Variants in ATP2B2 observed in about 807,000 individuals in gnomAD.
The protein encoded by ATP2B2 is plasma membrane calcium-transporting ATPase 2.
Under a neutral mutation model 120.0 loss-of-function variants are expected in ATP2B2, and 15 were observed. The observed-to-expected ratio is 0.12, with a 90% CI of 0.08 to 0.19. The LOEUF (loss-of-function observed/expected upper bound fraction) is 0.19. Among genes scored for constraint, ATP2B2 ranks in the 10% least tolerant of loss-of-function variants. ATP2B2 has a pLI of 1.00. For missense variants in ATP2B2, 1,045 were observed against 1,719.8 expected, an observed-to-expected ratio of 0.61 and a Z score of 6.94; for synonymous variants, 694 against 700.3, an observed-to-expected ratio of 0.99 and a Z score of 0.14.
chr3:10,625,625 G>A (rs1416655984), intron 1 of ATP2B2, among the ~76,000 whole-genome samples: 2 of 152,164 alleles, frequency 1.3e-5, no homozygotes, highest in Admixed American at 1.3e-4. Flanking sequence ...AGAGGGGCCG[G>A]GCCCAGAGTG....
intron 6 of ATP2B2, chr3:10,387,843 T>C (rs534375609): frequency 3.8e-6 from 1 of 260,752 alleles, no homozygotes; most frequent in African/African-American, 2.2e-5. Context: ...TCTGCCCATG[T>C]CTTGGATGAA....
Position 10,631,172 on chromosome 3 carries a change from G to A in ATP2B2, c.-459-11211C>T, listed in dbSNP as rs533660865. On this transcript the variant is annotated intron_variant, in intron 1 of 21. Coordinates refer to the ATP2B2 transcript ENST00000646379. Reference sequence around the variant, plus strand: ...GGGAGGGTGGTAACAAGGTTTAAACGAGTCAGTATTTGTAAAGTGTTTTGT... The same window carrying A: ...GGGAGGGTGGTAACAAGGTTTAAACAAGTCAGTATTTGTAAAGTGTTTTGT... 2.6e-5 allele frequency among the ~76,000 whole-genome samples: 4 copies of A among 152,302 alleles called. No individual in the cohort carries two copies. In the South Asian group the frequency reaches 6.2e-4, roughly 24 times the overall value.
intron 1 of ATP2B2, among the ~76,000 whole-genome samples, chr3:10,654,398 C>T (rs942883924): frequency 4.6e-5 from 7 of 152,100 alleles, no homozygotes; most frequent in Non-Finnish European, 1.0e-4. Context: ...TAGTGGCTGG[C>T]TGACTCAAGG....
chr3:10,594,639 C>T (rs2068720343), intron 2 of ATP2B2, among the ~76,000 whole-genome samples: 1 of 151,690 alleles, frequency 6.6e-6, no homozygotes, highest in Non-Finnish European at 1.5e-5. Flanking sequence ...ATGGGTGCAG[C>T]ACACCAACAT....
chr3:10,353,437 G>T (rs1364067564), intron 14 of ATP2B2, among the ~76,000 whole-genome samples: 2 of 152,220 alleles, frequency 1.3e-5, no homozygotes, highest in African/African-American at 4.8e-5. Flanking sequence ...CCTGGCCGCA[G>T]GGAACTGTCC....
intron 1 of ATP2B2, among the ~76,000 whole-genome samples, chr3:10,493,682 T>C (rs1434808518): frequency 6.6e-6 from 1 of 152,188 alleles, no homozygotes; most frequent in Admixed American, 6.5e-5. Flanking sequence ...CCTCCCTTCA[T>C]CTATTCTACA....
chr3:10,514,746 A>G (rs2066842762), intron 3 of ATP2B2, among the ~76,000 whole-genome samples: 1 of 152,202 alleles, frequency 6.6e-6, no homozygotes, highest in African/African-American at 2.4e-5. Flanking sequence ...CAAAGAGCAT[A>G]GGCTCTCCAA....
At chr3:10,493,061 T>C (rs1456641189) in intron 1 of ATP2B2, among the ~76,000 whole-genome samples, 1 of 152,158 alleles carries the variant, frequency 6.6e-6, no homozygotes, top group Non-Finnish European at 1.5e-5. Context: ...CACACAAATC[T>C]GCTGAGCACC....
intron 2 of ATP2B2, among the ~76,000 whole-genome samples, chr3:10,583,532 G>A (rs1276872344): frequency 6.6e-6 from 1 of 152,128 alleles, no homozygotes; most frequent in East Asian, 1.9e-4. Context: ...GGGATCTTAG[G>A]ATCCGTGCCC....
chr3:10,563,073 C>T (rs2067937729), intron 2 of ATP2B2, among the ~76,000 whole-genome samples: 1 of 151,770 alleles, frequency 6.6e-6, no homozygotes, highest in African/African-American at 2.4e-5. Flanking sequence ...GACACAAGTC[C>T]TTTCTGTTTT....
intron 5 of ATP2B2, 100 bp downstream of exon 5, chr3:10,400,853 G>T: frequency 6.4e-7 from 1 of 1,562,794 alleles, no homozygotes; most frequent in South Asian, 1.1e-5. Context: ...CCAGAGCCAA[G>T]GATCAAAGTC....
intron 2 of ATP2B2, among the ~76,000 whole-genome samples, chr3:10,612,030 G>C (rs1168872854): frequency 1.3e-5 from 2 of 152,128 alleles, no homozygotes; most frequent in African/African-American, 4.8e-5. Flanking sequence ...CTCTGTTCTA[G>C]AGTATGGATG....
chr3:10,574,393 C>T (rs1379921045), intron 2 of ATP2B2, among the ~76,000 whole-genome samples: 3 of 152,188 alleles, frequency 2.0e-5, no homozygotes, highest in Non-Finnish European at 4.4e-5. Context: ...GTGACTTTCC[C>T]TAGAGCAGAA....
At chr3:10,435,062 G>A (rs1436301715) in intron 2 of ATP2B2, among the ~76,000 whole-genome samples, 1 of 152,218 alleles carries the variant, frequency 6.6e-6, no homozygotes, top group Non-Finnish European at 1.5e-5. Flanking sequence ...CACAAGGTCT[G>A]GTCTCATCCA....
intron 2 of ATP2B2, among the ~76,000 whole-genome samples, chr3:10,416,512 A>G (rs1204595953): frequency 6.6e-6 from 1 of 152,258 alleles, no homozygotes; most frequent in Non-Finnish European, 1.5e-5. Context: ...ATTCCCATAT[A>G]GAAATCTTGA....
intron 1 of ATP2B2, among the ~76,000 whole-genome samples, chr3:10,477,250 G>C (rs930557096): frequency 6.6e-6 from 1 of 152,162 alleles, no homozygotes; most frequent in African/African-American, 2.4e-5. Flanking sequence ...TGTTTTCTCT[G>C]AAAAATCATT....
intron 1 of ATP2B2, among the ~76,000 whole-genome samples, chr3:10,625,502 G>T (rs187477687): frequency 3.7e-3 from 564 of 152,258 alleles, no homozygotes; most frequent in Non-Finnish European, 5.3e-3. Flanking sequence ...TTCCTACTCC[G>T]CCAGGATTTG....
intron 1 of ATP2B2, among the ~76,000 whole-genome samples, chr3:10,470,850 C>T (rs978822137): frequency 2.0e-5 from 3 of 152,154 alleles, no homozygotes; most frequent in Admixed American, 6.5e-5. Flanking sequence ...TCCCTCAGTT[C>T]CCCCACCCCC....
chr3:10,525,653 A>G (rs1457062957), intron 3 of ATP2B2, among the ~76,000 whole-genome samples: 1 of 152,084 alleles, frequency 6.6e-6, no homozygotes, highest in African/African-American at 2.4e-5. Flanking sequence ...CGGCTGGGAC[A>G]GTTTTGCAGA....
Sources: gnomAD v4.1 joint callset for allele counts (sites outside exome capture counted in the v4.1 genomes callset) on GRCh38, gnomAD v4.1.1 for gene constraint, MANE v1.5 for transcripts, NCBI Gene and HGNC (gene_info 2026-07-23, HGNC 2026-07-21) for gene names.